SCAPER: variants seen among roughly 807,000 people sequenced by gnomAD.
SCAPER encodes the protein S-phase cyclin A associated protein in the ER.
A neutral mutation model predicts 182.2 loss-of-function variants in SCAPER; 98 were observed. The observed-to-expected ratio is 0.54, with a 90% CI of 0.46 to 0.64. The LOEUF (loss-of-function observed/expected upper bound fraction) is 0.64. SCAPER is among the 30% of genes least tolerant of loss of function. The pLI, the probability that SCAPER is intolerant of heterozygous loss-of-function variation, is 0.00. For synonymous variants in SCAPER, 605 were observed against 564.6 expected (o/e 1.07, Z -1.01); for missense variants, 1,432 against 1,690.0 (o/e 0.85, Z 2.68).
intron 23 of SCAPER, chr15:76,567,156 A>AT (rs1033291943): frequency 1.4e-5 from 4 of 280,262 alleles, no homozygotes; most frequent in Non-Finnish European, 2.8e-5. Context: ...CAGTATATAT[A>AT]TTTTTTGGTG....
At chr15:76,796,674 T>C (rs1035229648) in intron 7 of SCAPER, among the ~76,000 whole-genome samples, 76 of 152,344 alleles carry the variant, frequency 5.0e-4, no homozygotes, top group Middle Eastern at 3.4e-3. Flanking sequence ...CACACACGAA[T>C]TAACGGCTTT....
At chr15:76,450,509 G>A (rs2048303145) in intron 25 of SCAPER, among the ~76,000 whole-genome samples, 1 of 151,914 alleles carries the variant, frequency 6.6e-6, no homozygotes. Flanking sequence ...CCTTTACCTA[G>A]ACTCACCAAT....
chr15:76,778,612 T>A (rs1568106486), intron 8 of SCAPER, among the ~76,000 whole-genome samples: 1 of 151,822 alleles, frequency 6.6e-6, no homozygotes, highest in African/African-American at 2.4e-5. Flanking sequence ...CCATAAACTC[T>A]TTAATTATTT....
At chr15:76,839,847 A>G (rs2069292213) in intron 5 of SCAPER, among the ~76,000 whole-genome samples, 1 of 152,196 alleles carries the variant, frequency 6.6e-6, no homozygotes, top group Non-Finnish European at 1.5e-5. Context: ...TCACAAAAAG[A>G]CGTCATTGCA....
chr15:76,608,927 C>T (rs1327336405), intron 22 of SCAPER, among the ~76,000 whole-genome samples: 3 of 152,172 alleles, frequency 2.0e-5, no homozygotes, highest in African/African-American at 7.2e-5. Flanking sequence ...TCTGTCACCC[C>T]TTTCTTTGAC....
chr15:76,357,159 C>CACACACACAA (rs1326053907), intron 29 of SCAPER, among the ~76,000 whole-genome samples: 1 of 150,070 alleles, frequency 6.7e-6, no homozygotes, highest in Non-Finnish European at 1.5e-5. Flanking sequence ...ATCACACACA[C>CACACACACAA]ACACACACAC....
chr15:76,634,233 T>A (rs1229216728), intron 21 of SCAPER, among the ~76,000 whole-genome samples: 1 of 152,196 alleles, frequency 6.6e-6, no homozygotes, highest in East Asian at 1.9e-4. Flanking sequence ...GGGAGGGAGC[T>A]CCCTTTGCCC....
intron 20 of SCAPER, among the ~76,000 whole-genome samples, chr15:76,686,161 ATAAC>A (rs758079850): frequency 1.1e-4 from 17 of 152,056 alleles, no homozygotes; most frequent in Non-Finnish European, 2.1e-4. Flanking sequence ...TCCAATATAC[ATAAC>A]TAATAAAAAA....
At chr15:76,692,373 G>A (rs911062184) in intron 20 of SCAPER, among the ~76,000 whole-genome samples, 7 of 152,052 alleles carry the variant, frequency 4.6e-5, no homozygotes, top group Admixed American at 3.9e-4. Flanking sequence ...AATGAGCCAC[G>A]TATTCACCTT....
chr15:76,698,580 G>T (rs2147221707), intron 20 of SCAPER, among the ~76,000 whole-genome samples: 1 of 152,184 alleles, frequency 6.6e-6, no homozygotes, highest in Admixed American at 6.5e-5. Flanking sequence ...CTTCCTTCAG[G>T]GTTTATGCCA....
rs1385210585 is a variant in SCAPER, at chr15:76,814,098, G to A, written c.394-9465C>T. 3.3e-5 allele frequency among the ~76,000 whole-genome samples: 5 copies of A among 152,246 alleles called. No individual in the cohort carries two copies. In the East Asian group the frequency reaches 9.6e-4, roughly 29 times the overall value. On this transcript the variant is annotated intron_variant, in intron 5 of 31. Coordinates refer to ENST00000563290, the MANE Select transcript of SCAPER (RefSeq NM_020843.4). Reference sequence around the variant, plus strand: ...CAGAAGAATTGTTTGAACCCGGGAGGCAGAGGCTGCTGTGAGCCGAGATTA... The same window carrying A: ...CAGAAGAATTGTTTGAACCCGGGAGACAGAGGCTGCTGTGAGCCGAGATTA...
At chr15:76,666,176 G>A (rs779829137) in intron 20 of SCAPER, among the ~76,000 whole-genome samples, 9 of 152,166 alleles carry the variant, frequency 5.9e-5, no homozygotes, top group Non-Finnish European at 1.2e-4. Context: ...TTCACTAGGC[G>A]GAAGAGGGGG....
intron 21 of SCAPER, among the ~76,000 whole-genome samples, chr15:76,645,904 G>A (rs959357297): frequency 6.6e-6 from 1 of 152,102 alleles, no homozygotes; most frequent in African/African-American, 2.4e-5. Flanking sequence ...TCACCTCAAA[G>A]TTCTGTCAGA....
At chr15:76,653,410 C>G (rs1228923380) in intron 21 of SCAPER, among the ~76,000 whole-genome samples, 1 of 152,142 alleles carries the variant, frequency 6.6e-6, no homozygotes, top group African/African-American at 2.4e-5. Flanking sequence ...ATAACAACAG[C>G]AATCCTAAGC....
chr15:76,903,071 AAAAG>A (rs933238096), intron 1 of SCAPER, among the ~76,000 whole-genome samples: 3 of 150,866 alleles, frequency 2.0e-5, no homozygotes, highest in African/African-American at 7.4e-5. Flanking sequence ...AAAAAAAAAA[AAAAG>A]AAAGTGAAAG....
At chr15:76,731,560 G>T (rs1229775894) in intron 16 of SCAPER, among the ~76,000 whole-genome samples, 1 of 152,162 alleles carries the variant, frequency 6.6e-6, no homozygotes, top group Non-Finnish European at 1.5e-5. Context: ...ATTAGGTTAG[G>T]ATCTTACCAT....
At chr15:76,591,399 G>A (rs2049097131) in intron 22 of SCAPER, among the ~76,000 whole-genome samples, 1 of 152,128 alleles carries the variant, frequency 6.6e-6, no homozygotes, top group Non-Finnish European at 1.5e-5. Context: ...ACAATGGAAA[G>A]GGGAAAAATA....
At chr15:76,621,738 G>T in intron 22 of SCAPER, 26 bp downstream of exon 22, 1 of 1,582,404 alleles carries the variant, frequency 6.3e-7, no homozygotes, top group Non-Finnish European at 8.6e-7. Context: ...CTGAAGAAAA[G>T]GAGAACTAAA....
At chr15:76,534,571 T>C (rs2043967900) in intron 23 of SCAPER, among the ~76,000 whole-genome samples, 1 of 152,202 alleles carries the variant, frequency 6.6e-6, no homozygotes, top group Non-Finnish European at 1.5e-5. Flanking sequence ...TCAGTGATTT[T>C]ACGTGAAAGG....
Sources: allele counts gnomAD v4.1 joint callset (sites outside exome capture counted in the v4.1 genomes callset), GRCh38; gene constraint gnomAD v4.1.1; transcripts MANE v1.5; gene names NCBI Gene and HGNC (gene_info 2026-07-23, HGNC 2026-07-21).